The following TNPO3 variants were observed in gnomAD, a reference collection of about 807,000 sequenced individuals.
The protein encoded by TNPO3 is transportin-3.
In TNPO3, 65 loss-of-function variants were observed where a neutral mutation model predicts 122.8. The ratio of observed to expected loss-of-function variants is 0.53; its 90% CI spans 0.43 to 0.65. The LOEUF (loss-of-function observed/expected upper bound fraction) is 0.65. Ranked by LOEUF, TNPO3 falls within the 30% of genes least tolerant of loss-of-function variation. The probability of loss-of-function intolerance (pLI) is 0.00; values close to 1 mark genes in which losing one functional copy is unlikely to be tolerated. For synonymous variants in TNPO3, 372 were observed against 411.2 expected (o/e 0.90, Z 1.15); for missense variants, 850 against 1,136.7 (o/e 0.75, Z 3.63).
intron 11 of TNPO3, among the ~76,000 whole-genome samples, chr7:128,989,665 G>A (rs564251528): frequency 6.6e-6 from 1 of 152,286 alleles, no homozygotes; most frequent in Non-Finnish European, 1.5e-5. Context: ...ATTAGCTCAA[G>A]CATATGCCAA....
chr7:129,010,289 T>TTG (rs1261199475), intron 4 of TNPO3, among the ~76,000 whole-genome samples: 1 of 152,138 alleles, frequency 6.6e-6, no homozygotes, highest in Non-Finnish European at 1.5e-5. Context: ...TGCCTCAGCC[T>TTG]CTTGAGTAGC....
chr7:128,973,525 A>G (rs1798700645), intron 18 of TNPO3, among the ~76,000 whole-genome samples: 1 of 151,688 alleles, frequency 6.6e-6, no homozygotes, highest in African/African-American at 2.4e-5. Flanking sequence ...TCACGAGGTC[A>G]GGAGATCGAG....
chr7:128,995,704 A>G (rs1244392093), intron 8 of TNPO3, among the ~76,000 whole-genome samples: 3 of 40,686 alleles, frequency 7.4e-5, no homozygotes, highest in Non-Finnish European at 1.7e-4. Flanking sequence ...TCTTCACTTT[A>G]TTTTATTTTT....
chr7:128,969,586 C>T (rs367860045), intron 20 of TNPO3, among the ~76,000 whole-genome samples: 2 of 152,104 alleles, frequency 1.3e-5, no homozygotes, highest in African/African-American at 4.8e-5. Flanking sequence ...GTCATGTGGC[C>T]CAGTACTGAA....
intron 21 of TNPO3, among the ~76,000 whole-genome samples, chr7:128,963,340 G>A (rs923027784): frequency 9.9e-5 from 15 of 152,246 alleles, no homozygotes; most frequent in Middle Eastern, 3.4e-3. Flanking sequence ...GAGCCAATAC[G>A]ATCCTGCCCT....
chr7:129,007,032 G>C (rs910974676), intron 4 of TNPO3, among the ~76,000 whole-genome samples: 2 of 152,184 alleles, frequency 1.3e-5, no homozygotes, highest in African/African-American at 4.8e-5. Context: ...TACATTTCAG[G>C]GGGAGGAAGA....
intron 1 of TNPO3, among the ~76,000 whole-genome samples, chr7:129,027,528 T>A (rs1805342070): frequency 1.8e-5 from 2 of 112,490 alleles, no homozygotes; most frequent in Admixed American, 2.8e-4. Context: ...ACTACTGCAC[T>A]CCAGCCTGGG....
intron 1 of TNPO3, chr7:129,028,889 A>G (rs1018664507): frequency 3.2e-5 from 11 of 349,080 alleles, no homozygotes; most frequent in African/African-American, 4.5e-5. Flanking sequence ...ACATCAAGAA[A>G]CCATGAAGAG....
rs767654724 is a variant in TNPO3, at chr7:129,054,756, C to T, written c.15G>A (p.Lys5=). The T allele has an allele frequency of 1.4e-5, 23 of 1,614,150 alleles. No homozygotes were observed. The highest frequency in any genetic ancestry group is 1.9e-5 in the Non-Finnish European group (23 of 1,180,016). MEGA[K]PTLQLVYQAV... is the part of the protein sequence containing the mutation. Reference sequence around the variant, plus strand: ...CCTGGTACACGAGCTGCAATGTCGGCTTTGCTCCTTCCATGGTGGTGGCGG... The same window carrying T: ...CCTGGTACACGAGCTGCAATGTCGGTTTTGCTCCTTCCATGGTGGTGGCGG... Residue 5 remains lysine, a synonymous_variant, in exon 1 of 23, where the codon AAG becomes AAA. Coordinates refer to ENST00000265388, the MANE Select transcript of TNPO3 (RefSeq NM_012470.4).
At chr7:128,988,434 G>A (rs151177095) in intron 11 of TNPO3, among the ~76,000 whole-genome samples, 2 of 152,242 alleles carry the variant, frequency 1.3e-5, no homozygotes, top group African/African-American at 4.8e-5. Context: ...AAAAGACCTA[G>A]AATCTAGAAC....
At chr7:129,041,179 C>A (rs1014233780) in intron 1 of TNPO3, among the ~76,000 whole-genome samples, 12 of 151,942 alleles carry the variant, frequency 7.9e-5, no homozygotes, top group African/African-American at 2.9e-4. Flanking sequence ...AGCCTGGAGA[C>A]AACATAGCAA....
At chr7:129,033,597 G>A (rs1806204010) in intron 1 of TNPO3, among the ~76,000 whole-genome samples, 1 of 152,118 alleles carries the variant, frequency 6.6e-6, no homozygotes, top group African/African-American at 2.4e-5. Context: ...TCCCAGTTCT[G>A]GCTATATATC....
intron 14 of TNPO3, among the ~76,000 whole-genome samples, chr7:128,980,600 G>T (rs1212366429): frequency 6.6e-6 from 1 of 152,132 alleles, no homozygotes; most frequent in Non-Finnish European, 1.5e-5. Flanking sequence ...TGAGGCAGAA[G>T]AATCACTTGA....
chr7:129,004,375 A>T (rs1488885673), intron 5 of TNPO3, among the ~76,000 whole-genome samples: 2 of 152,282 alleles, frequency 1.3e-5, no homozygotes, highest in East Asian at 3.9e-4. Context: ...AGATAATGTT[A>T]TGTTTCTTGT....
chr7:128,963,273 T>G (rs1797639724), intron 21 of TNPO3, among the ~76,000 whole-genome samples: 2 of 152,170 alleles, frequency 1.3e-5, no homozygotes, highest in South Asian at 4.1e-4. Context: ...CATACTTGAC[T>G]CCAAACCCCA....
At chr7:128,999,911 C>A (rs1371291129) in intron 7 of TNPO3, among the ~76,000 whole-genome samples, 1 of 152,184 alleles carries the variant, frequency 6.6e-6, no homozygotes, top group East Asian at 1.9e-4. Flanking sequence ...CCAACCCCGA[C>A]CCTTTCTCAT....
intron 4 of TNPO3, among the ~76,000 whole-genome samples, chr7:129,011,810 T>A (rs1803231525): frequency 2.0e-5 from 3 of 152,162 alleles, no homozygotes; most frequent in Non-Finnish European, 4.4e-5. Context: ...TGTATATATA[T>A]CCATAAATAT....
intron 22 of TNPO3, among the ~76,000 whole-genome samples, chr7:128,956,109 G>C (rs1000771421): frequency 6.6e-6 from 1 of 152,220 alleles, no homozygotes; most frequent in Admixed American, 6.5e-5. Context: ...CTTATGAGGT[G>C]TATCAATGTC....
intron 1 of TNPO3, among the ~76,000 whole-genome samples, chr7:129,052,200 G>C (rs1192115771): frequency 6.6e-6 from 1 of 152,148 alleles, no homozygotes; most frequent in East Asian, 1.9e-4. Flanking sequence ...TGTGCCCCTG[G>C]CTTCCGGTTG....
Sources: gnomAD v4.1 joint callset for allele counts (sites outside exome capture counted in the v4.1 genomes callset) on GRCh38, gnomAD v4.1.1 for gene constraint, MANE v1.5 for transcripts, NCBI Gene and HGNC (gene_info 2026-07-23, HGNC 2026-07-21) for gene names.